Variants in RALYL observed in about 807,000 individuals in gnomAD.
The protein encoded by RALYL is RALY RNA binding protein like.
A neutral mutation model predicts 35.1 loss-of-function variants in RALYL; 29 were observed. The observed-to-expected ratio is 0.83, with a 90% CI of 0.61 to 1.13. The LOEUF (loss-of-function observed/expected upper bound fraction) is 1.13, where lower values mean the gene tolerates loss of function less well. Among genes scored for constraint, RALYL ranks in the 50% most tolerant of loss-of-function variants. The probability of loss-of-function intolerance (pLI) is 0.00; values close to 1 mark genes in which losing one functional copy is unlikely to be tolerated. For missense variants in RALYL, 359 were observed against 360.4 expected, an observed-to-expected ratio of 1.00 and a Z score of 0.03; for synonymous variants, 120 against 127.6, an observed-to-expected ratio of 0.94 and a Z score of 0.40.
chr8:84,682,046 T>C (rs184994031), intron 2 of RALYL, among the ~76,000 whole-genome samples: 8 of 152,366 alleles, frequency 5.3e-5, no homozygotes, highest in African/African-American at 1.9e-4. Flanking sequence ...GTTTTTAGCA[T>C]GAAGGGCTGT....
chr8:84,312,062 A>G (rs996892348), intron 1 of RALYL, among the ~76,000 whole-genome samples: 16 of 152,182 alleles, frequency 1.1e-4, no homozygotes, highest in East Asian at 1.9e-4. Flanking sequence ...GGCCTCAGGA[A>G]ACTTGCAATC....
chr8:84,623,628 A>T (rs1258702597), intron 2 of RALYL, among the ~76,000 whole-genome samples: 1 of 152,130 alleles, frequency 6.6e-6, no homozygotes, highest in Non-Finnish European at 1.5e-5. Flanking sequence ...AGATGAGAAC[A>T]TGAAATGAAA....
At chr8:84,765,726 T>C (rs1813766661) in intron 2 of RALYL, among the ~76,000 whole-genome samples, 1 of 151,998 alleles carries the variant, frequency 6.6e-6, no homozygotes, top group Non-Finnish European at 1.5e-5. Flanking sequence ...AATGGAACAG[T>C]AATGAATCCC....
In RALYL at chr8:84,356,037, T is replaced by G. The variant is rs1006976140; in HGVS notation, c.-24+171613T>G. Reference sequence around the variant, plus strand: ...CTGATGGTTTAAAAGTGTGTGGCACTTCCCCCCTTCACTCTGTCTCTCTCC... The same window carrying G: ...CTGATGGTTTAAAAGTGTGTGGCACGTCCCCCCTTCACTCTGTCTCTCTCC... On this transcript the variant is annotated intron_variant, in intron 1 of 8. Transcript: ENST00000521268. 4.7e-5 allele frequency among the ~76,000 whole-genome samples: 7 copies of G among 149,916 alleles called. 1 individual carries two copies. Among genetic ancestry groups the G allele is most frequent in the African/African-American group, 1.7e-4 (7 of 40,206 alleles).
intron 1 of RALYL, among the ~76,000 whole-genome samples, chr8:84,485,931 T>C (rs1462168257): frequency 6.6e-6 from 1 of 151,562 alleles, no homozygotes; most frequent in Non-Finnish European, 1.5e-5. Flanking sequence ...CAATGGATTC[T>C]CAAGAAAGTT....
chr8:84,467,704 C>A (rs1170916728), intron 1 of RALYL, among the ~76,000 whole-genome samples: 2 of 151,354 alleles, frequency 1.3e-5, no homozygotes, highest in Non-Finnish European at 2.9e-5. Context: ...TCCTTGTTGA[C>A]TTTCTGTCTC....
At chr8:84,704,467 ACACACACACACAC>A (rs894541587) in intron 2 of RALYL, among the ~76,000 whole-genome samples, 6 of 135,470 alleles carry the variant, frequency 4.4e-5, no homozygotes, top group African/African-American at 1.8e-4. Context: ...ACACACACAC[ACACACACACACAC>A]ACAACAACTC....
chr8:84,449,918 T>C (rs1417599716), intron 1 of RALYL, among the ~76,000 whole-genome samples: 1 of 151,952 alleles, frequency 6.6e-6, no homozygotes, highest in East Asian at 1.9e-4. Context: ...AAATCTTCAG[T>C]AGACTAAGAA....
Position 84,495,960 on chromosome 8 carries a change from T to A in RALYL, c.-23-33339T>A, listed in dbSNP as rs953672349. ...TCACTGGCCATATTTTTTTAATAAG[T>A]TGTACTTCTCTGAATTTTGTCTTTT... is the stretch of plus-strand genomic sequence containing the variant. On this transcript the variant is annotated intron_variant, in intron 1 of 8. Transcript: ENST00000521268. Among the ~76,000 whole-genome samples the A allele has an allele frequency of 3.9e-5, 6 of 152,108 alleles. No individual in the cohort carries two copies. The East Asian group carries it at 1.2e-3, about 29-fold the overall frequency.
intron 4 of RALYL, among the ~76,000 whole-genome samples, chr8:84,805,466 C>T (rs1299106651): frequency 6.6e-6 from 1 of 152,128 alleles, no homozygotes; most frequent in African/African-American, 2.4e-5. Context: ...GGCGGATCAC[C>T]TGAGGGCAGG....
At chr8:84,827,571 A>C (rs1829983932) in intron 4 of RALYL, among the ~76,000 whole-genome samples, 1 of 152,138 alleles carries the variant, frequency 6.6e-6, no homozygotes, top group Non-Finnish European at 1.5e-5. Context: ...TTTTAAAATA[A>C]TTAAAATCAA....
chr8:84,469,029 C>G (rs1408959200), intron 1 of RALYL, among the ~76,000 whole-genome samples: 8 of 151,654 alleles, frequency 5.3e-5, no homozygotes, highest in African/African-American at 1.7e-4. Flanking sequence ...ATTGGTTATT[C>G]TAGTTATACA....
chr8:84,851,623 G>A (rs1172414754), intron 5 of RALYL, among the ~76,000 whole-genome samples: 1 of 152,178 alleles, frequency 6.6e-6, no homozygotes, highest in Non-Finnish European at 1.5e-5. Flanking sequence ...AAGTAACTGT[G>A]ATCCTTGAAA....
At chr8:84,838,032 G>C (rs535968823) in intron 4 of RALYL, among the ~76,000 whole-genome samples, 1 of 152,096 alleles carries the variant, frequency 6.6e-6, no homozygotes, top group African/African-American at 2.4e-5. Context: ...AAGTGAGAGC[G>C]ACAAAAGTTC....
chr8:84,633,393 T>C (rs1471804625), intron 2 of RALYL, among the ~76,000 whole-genome samples: 2 of 151,832 alleles, frequency 1.3e-5, no homozygotes, highest in African/African-American at 4.8e-5. Context: ...AAAAAAAATT[T>C]TTAGCTGCAC....
intron 7 of RALYL, among the ~76,000 whole-genome samples, chr8:84,882,193 C>T (rs1344637643): frequency 2.0e-5 from 3 of 151,804 alleles, no homozygotes; most frequent in African/African-American, 7.2e-5. Context: ...TCTAATCGAC[C>T]TTTAAAAAAA....
intron 7 of RALYL, among the ~76,000 whole-genome samples, chr8:84,884,713 A>T (rs1291594401): frequency 6.6e-6 from 1 of 152,124 alleles, no homozygotes; most frequent in African/African-American, 2.4e-5. Context: ...TAACAAAAAG[A>T]TAAACACAAT....
intron 4 of RALYL, among the ~76,000 whole-genome samples, chr8:84,817,027 G>A (rs921659196): frequency 6.6e-6 from 1 of 152,084 alleles, no homozygotes; most frequent in Non-Finnish European, 1.5e-5. Flanking sequence ...TGTGAGCTAA[G>A]CATGGACCAG....
intron 2 of RALYL, among the ~76,000 whole-genome samples, chr8:84,565,313 A>G (rs1258787224): frequency 1.3e-5 from 2 of 151,588 alleles, no homozygotes; most frequent in African/African-American, 2.4e-5. Flanking sequence ...CTGGCACAAG[A>G]TATTTTTATT....
Sources: gnomAD v4.1 joint callset for allele counts (sites outside exome capture counted in the v4.1 genomes callset) on GRCh38, gnomAD v4.1.1 for gene constraint, MANE v1.5 for transcripts, NCBI Gene and HGNC (gene_info 2026-07-23, HGNC 2026-07-21) for gene names.